Variants in STX8 observed in about 807,000 individuals in gnomAD.
STX8 encodes the protein syntaxin-8.
STX8 carries 23 observed loss-of-function variants against 37.5 expected under a neutral mutation model. That is an observed-to-expected ratio of 0.61 (90% CI 0.44 to 0.87). The LOEUF (loss-of-function observed/expected upper bound fraction) is 0.87, where lower values mean the gene tolerates loss of function less well. STX8 is among the 40% of genes least tolerant of loss of function. STX8 has a pLI of 0.00. For synonymous variants in STX8, 115 were observed against 99.1 expected (o/e 1.16, Z -0.95); for missense variants, 313 against 284.7 (o/e 1.10, Z -0.71).
intron 6 of STX8, among the ~76,000 whole-genome samples, chr17:9,418,306 A>G (rs926397485): frequency 6.6e-6 from 1 of 152,120 alleles, no homozygotes; most frequent in Admixed American, 6.5e-5. Flanking sequence ...TGCAGCCCAG[A>G]CATCAGGCAT....
intron 7 of STX8, among the ~76,000 whole-genome samples, chr17:9,275,761 G>T (rs188817510): frequency 6.6e-6 from 1 of 151,998 alleles, no homozygotes; most frequent in East Asian, 1.9e-4. Context: ...CCAGCTACTC[G>T]GGAGGCTGAG....
At chr17:9,560,275 G>A (rs9747632) in intron 2 of STX8, among the ~76,000 whole-genome samples, 29,003 of 150,342 alleles carry the variant, frequency 0.19, 3,044 homozygotes, top group African/African-American at 0.26. Context: ...GTGCGCACCT[G>A]TAATCTCAGT....
intron 7 of STX8, among the ~76,000 whole-genome samples, chr17:9,327,241 A>AGAGGAGGAAGGAGGAAGGAG (rs1351824369): frequency 1.0e-4 from 15 of 146,466 alleles, no homozygotes; most frequent in African/African-American, 1.6e-4. Flanking sequence ...GAAGGAGGAC[A>AGAGGAGGAAGGAGGAAGGAG]GAGGAGGAAG....
chr17:9,418,184 A>T lies in STX8; in HGVS notation c.542-39531T>A, dbSNP rs1335570572. Among the ~76,000 whole-genome samples the T allele has an allele frequency of 2.6e-5, 4 of 152,294 alleles. No individual in the cohort carries two copies. The East Asian group carries it at 7.7e-4, about 29-fold the overall frequency. ...GAGTCTGATGCTAATTAGAGCCAGA[A>T]TTGAACCAGACTGTAGCACAGCCAA... On this transcript the variant is annotated intron_variant, in intron 6 of 7. Coordinates refer to ENST00000306357, the MANE Select transcript of STX8 (RefSeq NM_004853.3).
At chr17:9,429,263 C>T (rs1913753877) in intron 6 of STX8, among the ~76,000 whole-genome samples, 2 of 145,512 alleles carry the variant, frequency 1.4e-5, no homozygotes, top group East Asian at 2.0e-4. Context: ...GGCAAAATGG[C>T]ACATTTTGTT....
At chr17:9,417,479 C>T (rs1299246745) in intron 6 of STX8, among the ~76,000 whole-genome samples, 1 of 152,122 alleles carries the variant, frequency 6.6e-6, no homozygotes, top group Non-Finnish European at 1.5e-5. Context: ...TTGTCTTTGT[C>T]CCCAGTTCCT....
chr17:9,435,665 G>A (rs1051167440), intron 6 of STX8, among the ~76,000 whole-genome samples: 4 of 152,140 alleles, frequency 2.6e-5, no homozygotes, highest in Non-Finnish European at 5.9e-5. Flanking sequence ...ACGAGCGTTC[G>A]ATTAAAGAGG....
intron 7 of STX8, among the ~76,000 whole-genome samples, chr17:9,355,635 G>C (rs1255732137): frequency 6.6e-6 from 1 of 151,106 alleles, no homozygotes. Context: ...CTCGCCTCCC[G>C]AGTAGCTGGG....
intron 7 of STX8, among the ~76,000 whole-genome samples, chr17:9,368,936 T>TTC (rs1491129860): frequency 6.9e-6 from 1 of 145,348 alleles, no homozygotes; most frequent in African/African-American, 2.5e-5. Flanking sequence ...TTTTTTTTTT[T>TTC]TAAAGAAACA....
chr17:9,294,958 A>C (rs1908460720), intron 7 of STX8, among the ~76,000 whole-genome samples: 1 of 152,206 alleles, frequency 6.6e-6, no homozygotes, highest in Admixed American at 6.5e-5. Context: ...AGCCATCTGC[A>C]ACCCAAGGAC....
At chr17:9,501,525 T>C (rs541355095) in intron 5 of STX8, among the ~76,000 whole-genome samples, 1 of 151,718 alleles carries the variant, frequency 6.6e-6, no homozygotes, top group Admixed American at 6.6e-5. Context: ...ACCCCATCTC[T>C]ACTAAAAATA....
intron 7 of STX8, among the ~76,000 whole-genome samples, chr17:9,276,626 TTG>T (rs982440037): frequency 1.3e-5 from 2 of 148,670 alleles, no homozygotes; most frequent in Non-Finnish European, 3.0e-5. Flanking sequence ...GTTTATTTGT[TTG>T]TTTTTTTTTT....
intron 2 of STX8, among the ~76,000 whole-genome samples, chr17:9,563,343 C>G (rs992092757): frequency 2.8e-4 from 42 of 152,018 alleles, no homozygotes; most frequent in Non-Finnish European, 1.5e-5. Flanking sequence ...CCACCACACC[C>G]GGCTAATGTT....
intron 7 of STX8, among the ~76,000 whole-genome samples, chr17:9,333,783 T>C (rs765324677): frequency 7.2e-5 from 11 of 152,196 alleles, no homozygotes; most frequent in Non-Finnish European, 1.6e-4. Context: ...AGTCATTTTG[T>C]TGGAAAACAT....
At position 9,519,796 on chromosome 17, in the gene STX8, G is replaced by A. The variant is rs149331441; in HGVS notation, c.324-14634C>T. Among the ~76,000 whole-genome samples, 13 of 151,036 alleles carry A rather than the reference G, an allele frequency of 8.6e-5. No homozygotes were observed. The East Asian group carries it at 2.4e-3, about 27-fold the overall frequency. ...TCATGTTTTTGCATGAGTCTGGAGT[G>A]TCCCCACCCCCACCCCCTTTGTCCA... On this transcript the variant is annotated intron_variant, in intron 4 of 7. Coordinates refer to ENST00000306357, the MANE Select transcript of STX8 (RefSeq NM_004853.3).
At chr17:9,559,760 A>ATATATATTTTTTTTTTTTTTTTT in intron 2 of STX8, among the ~76,000 whole-genome samples, 1 of 24,498 alleles carries the variant, frequency 4.1e-5, no homozygotes, top group African/African-American at 1.9e-4. Context: ...ATATATATAT[A>ATATATATTTTTTTTTTTTTTTTT]TTTTTTTTTT....
At position 9,450,267 on chromosome 17, in the gene STX8, G is replaced by A. The variant is rs187851396; in HGVS notation, c.541+41562C>T. Among the ~76,000 whole-genome samples the A allele has an allele frequency of 6.7e-4, 101 of 151,232 alleles. 1 individual carries two copies. In the Middle Eastern group the frequency reaches 0.01, roughly 15 times the overall value. ...ATTTTTGTATTTTTAGTAGAGATGG[G>A]GTTTCACCATGTTGGCCAGGCTGGT... On this transcript the variant is annotated intron_variant, in intron 6 of 7. Transcript: ENST00000306357.
chr17:9,414,084 A>AC (rs1567549704), intron 6 of STX8, among the ~76,000 whole-genome samples: 1 of 27,236 alleles, frequency 3.7e-5, no homozygotes, highest in African/African-American at 1.8e-4. Context: ...CCATCTGTCC[A>AC]TCCATCCATC....
At chr17:9,304,167 A>G (rs2142181420) in intron 7 of STX8, among the ~76,000 whole-genome samples, 1 of 152,308 alleles carries the variant, frequency 6.6e-6, no homozygotes, top group Non-Finnish European at 1.5e-5. Flanking sequence ...GGAAATACAA[A>G]TGGTCATTAA....
Sources: allele counts gnomAD v4.1 joint callset (sites outside exome capture counted in the v4.1 genomes callset), GRCh38; gene constraint gnomAD v4.1.1; transcripts MANE v1.5; gene names NCBI Gene and HGNC (gene_info 2026-07-23, HGNC 2026-07-21).